The following USP46 variants were observed in gnomAD, a reference collection of about 807,000 sequenced individuals.
The protein encoded by USP46 is ubiquitin carboxyl-terminal hydrolase 46.
Under a neutral mutation model 44.4 loss-of-function variants are expected in USP46, and 12 were observed. The ratio of observed to expected loss-of-function variants is 0.27; its 90% CI spans 0.17 to 0.44. USP46 has a LOEUF of 0.44. Among genes scored for constraint, USP46 ranks in the 20% least tolerant of loss-of-function variants. The pLI is 1.00. For missense variants in USP46, 248 were observed against 444.8 expected (o/e 0.56, Z 3.98); for synonymous variants, 155 against 161.5 (o/e 0.96, Z 0.31).
At position 52,594,801 on chromosome 4, in the gene USP46, A is replaced by C. The variant is rs1333465035; in HGVS notation, c.*2839T>G. The C allele has an allele frequency of 6.6e-6, 1 of 152,174 alleles. No homozygotes were observed. Among genetic ancestry groups the C allele is most frequent in the African/African-American group, 2.4e-5 (1 of 41,444 alleles). The allele number at this position is 152,174 out of a possible 1,614,324, so 9.4% of individuals were successfully genotyped here. On this transcript the variant is annotated 3_prime_UTR_variant, in exon 9 of 9. Transcript: ENST00000441222. ...TAAACCCAAAATACACCAGGCCATA[A>C]AACCAAATATGATTGACTTCCTATT...
chr4:52,596,359 T>C lies in USP46; in HGVS notation c.*1281A>G, dbSNP rs955189877. On this transcript the variant is annotated 3_prime_UTR_variant, in exon 9 of 9. Transcript: ENST00000441222. ...ACCAGCTCAACAGCAAAACACCAAA[T>C]GACCCTTTTAAAGGTACCAATATTC... 5.2e-5 allele frequency: 8 copies of C among 152,594 alleles called. No individual in the cohort carries two copies. Among genetic ancestry groups the C allele is most frequent in the African/African-American group, 1.9e-4 (8 of 41,448 alleles). 9.5% of individuals were successfully genotyped at this position (152,594 alleles called of 1,614,324 possible).
At chr4:52,629,879 AG>A (rs1378185468) in intron 2 of USP46, among the ~76,000 whole-genome samples, 1 of 152,168 alleles carries the variant, frequency 6.6e-6, no homozygotes, top group African/African-American at 2.4e-5. Flanking sequence ...CACACAAGCT[AG>A]GGAGTAGCAC....
intron 2 of USP46, among the ~76,000 whole-genome samples, chr4:52,630,833 T>TG (rs1717796159): frequency 6.6e-6 from 1 of 151,782 alleles, no homozygotes; most frequent in Admixed American, 6.6e-5. Flanking sequence ...CCTTAAAGCA[T>TG]GGGGGGAAAA....
rs182701186 is a variant in USP46, at chr4:52,596,635, G to C, written c.*1005C>G. 2.0e-5 allele frequency: 3 copies of C among 152,344 alleles called. No individual in the cohort carries two copies. Among genetic ancestry groups the C allele is most frequent in the East Asian group, 3.9e-4 (2 of 5,178 alleles). 9.4% of individuals were successfully genotyped at this position (152,344 alleles called of 1,614,324 possible). On this transcript the variant is annotated 3_prime_UTR_variant, in exon 9 of 9. Coordinates refer to ENST00000441222, the MANE Select transcript of USP46 (RefSeq NM_022832.4). ...GGACTCGCCAGTGCCTCAGTAAACA[G>C]ACGGACTATGTTAAAAAGTTAAGTT...
intron 1 of USP46, among the ~76,000 whole-genome samples, chr4:52,650,355 G>A (rs1375388285): frequency 2.6e-5 from 4 of 152,182 alleles, no homozygotes; most frequent in Admixed American, 1.3e-4. Flanking sequence ...AAAGCTACAC[G>A]ATTTTATCCA....
chr4:52,613,993 G>T (rs1252434234), intron 4 of USP46, among the ~76,000 whole-genome samples: 2 of 151,912 alleles, frequency 1.3e-5, no homozygotes, highest in African/African-American at 4.8e-5. Context: ...CCCCAGTAAA[G>T]AAATAGAAAC....
chr4:52,657,040 C>CCAA (rs1718980358), intron 1 of USP46, among the ~76,000 whole-genome samples: 1 of 29,256 alleles, frequency 3.4e-5, no homozygotes, highest in African/African-American at 1.3e-4. Flanking sequence ...GAGACCTTGT[C>CCAA]AAAAAAAAAA....
Position 52,634,119 on chromosome 4 carries a change from CT to C in USP46, c.37-2976del, listed in dbSNP as rs778051273. On this transcript the variant is annotated intron_variant, in intron 1 of 8. Transcript: ENST00000441222. ...GTAAAAACATTTTCGTGTCTTTTTT[CT>C]TTTTTTTTTTTTGAGACGCAGTCTC... 4.4e-3 allele frequency among the ~76,000 whole-genome samples: 631 copies of C among 144,362 alleles called. 1 individual carries two copies. Among genetic ancestry groups the C allele is most frequent in the African/African-American group, 0.011 (445 of 39,810 alleles). The allele number at this position is 144,362 out of a possible 152,430, so 94.7% of individuals were successfully genotyped here.
intron 4 of USP46, among the ~76,000 whole-genome samples, chr4:52,621,359 A>G (rs558102383): frequency 6.6e-6 from 1 of 152,296 alleles, no homozygotes; most frequent in East Asian, 1.9e-4. Flanking sequence ...TCAACATTAG[A>G]AACTCTATTA....
chr4:52,604,523 T>G lies in USP46; in HGVS notation c.700A>C (p.Ser234Arg). The G allele has an allele frequency of 6.2e-7, 1 of 1,612,314 alleles. No individual in the cohort carries two copies. The highest frequency in any genetic ancestry group is 8.5e-7 in the Non-Finnish European group (1 of 1,179,368). ...EQKYYCETCC[S>R]KQEAQKRMRV... ...TACCTTTTCTGGGCTTCTTGTTTGCTGCAGCATGTTTCACAATAATATTTT... is the reference window on the plus strand; with the variant it reads ...TACCTTTTCTGGGCTTCTTGTTTGCGGCAGCATGTTTCACAATAATATTTT... Residue 234 changes from serine to arginine, a missense_variant, in exon 6 of 9, where the codon AGC becomes CGC. Coordinates refer to ENST00000441222, the MANE Select transcript of USP46 (RefSeq NM_022832.4).
intron 8 of USP46, 89 bp downstream of exon 8, chr4:52,598,539 A>T: frequency 7.8e-7 from 1 of 1,285,942 alleles, no homozygotes; most frequent in Admixed American, 2.2e-5. Flanking sequence ...ATGGGGAAAC[A>T]GGCCTATTTT....
intron 4 of USP46, among the ~76,000 whole-genome samples, chr4:52,613,595 G>A (rs370608648): frequency 2.6e-5 from 4 of 151,818 alleles, no homozygotes; most frequent in South Asian, 2.1e-4. Flanking sequence ...GGTGGCAGGC[G>A]CCTGTAATCC....
intron 4 of USP46, among the ~76,000 whole-genome samples, chr4:52,612,789 T>G (rs1361868455): frequency 6.6e-6 from 1 of 152,234 alleles, no homozygotes; most frequent in East Asian, 1.9e-4. Context: ...CACCATTGCA[T>G]GAGTTATAAT....
chr4:52,603,365 T>C (rs551900087), intron 6 of USP46, among the ~76,000 whole-genome samples: 2 of 152,182 alleles, frequency 1.3e-5, no homozygotes, highest in African/African-American at 4.8e-5. Flanking sequence ...TCTGTAAGTT[T>C]TGCAGCAAAG....
In USP46 at chr4:52,659,063, T is replaced by G; in HGVS notation, c.36+52A>C. On this transcript the variant is annotated intron_variant, in intron 1 of 8. Coordinates refer to ENST00000441222, the MANE Select transcript of USP46 (RefSeq NM_022832.4). This position sits in a 1 kb window ranked among gnomAD's most constrained non-coding sequence, Gnocchi z 4.2. ...CGTGTGTGCAGCTCGGGCTTCCCTT[T>G]CTTTGCCTCGCCGCGAGTCGGGCGC... 6.6e-7 allele frequency: 1 copy of G among 1,526,710 alleles called. No individual in the cohort carries two copies. 94.6% of individuals were successfully genotyped at this position (1,526,710 alleles called of 1,614,324 possible).
At chr4:52,598,254 A>T (rs949730066) in intron 8 of USP46, among the ~76,000 whole-genome samples, 9 of 152,240 alleles carry the variant, frequency 5.9e-5, no homozygotes, top group African/African-American at 2.2e-4. Flanking sequence ...AACAATAATC[A>T]ATACAAGAAA....
chr4:52,657,634 C>A (rs1275453036), intron 1 of USP46, among the ~76,000 whole-genome samples: 1 of 152,216 alleles, frequency 6.6e-6, no homozygotes, highest in African/African-American at 2.4e-5. Context: ...GAAGGCATCA[C>A]CTCTTCACAA....
At chr4:52,637,258 A>G (rs1718152392) in intron 1 of USP46, among the ~76,000 whole-genome samples, 1 of 152,008 alleles carries the variant, frequency 6.6e-6, no homozygotes, top group Non-Finnish European at 1.5e-5. Flanking sequence ...GCTTTTTCCA[A>G]GGGCTGTCTG....
At chr4:52,630,176 C>T (rs1368088673) in intron 2 of USP46, among the ~76,000 whole-genome samples, 1 of 152,200 alleles carries the variant, frequency 6.6e-6, no homozygotes, top group Non-Finnish European at 1.5e-5. Context: ...CGTGTTACTA[C>T]TCCGTTATCA....
Sources: allele counts gnomAD v4.1 joint callset (sites outside exome capture counted in the v4.1 genomes callset), GRCh38; gene constraint gnomAD v4.1.1; non-coding constraint Gnocchi (gnomAD v3.1); transcripts MANE v1.5; gene names NCBI Gene and HGNC (gene_info 2026-07-23, HGNC 2026-07-21).